PDE6C: variants seen among roughly 807,000 people sequenced by gnomAD.
PDE6C encodes the protein phosphodiesterase 6C, also known as cone cGMP-specific 3',5'-cyclic phosphodiesterase subunit alpha'.
Under a neutral mutation model 113.1 loss-of-function variants are expected in PDE6C, and 75 were observed. That is an observed-to-expected ratio of 0.66 (90% CI 0.55 to 0.80). PDE6C has a LOEUF of 0.80. Among genes scored for constraint, PDE6C ranks in the 30% least tolerant of loss-of-function variants. The pLI, the probability that PDE6C is intolerant of heterozygous loss-of-function variation, is 0.00. For synonymous variants in PDE6C, 375 were observed against 363.7 expected (o/e 1.03, Z -0.35); for missense variants, 912 against 1,038.6 (o/e 0.88, Z 1.67).
intron 10 of PDE6C, among the ~76,000 whole-genome samples, 169 bp downstream of exon 10, chr10:93,635,809 A>G (rs1363557792): frequency 2.0e-5 from 3 of 152,198 alleles, no homozygotes; most frequent in African/African-American, 7.2e-5. Flanking sequence ...CAGTGTACAG[A>G]GACCCTTACT....
Position 93,640,919 on chromosome 10 carries a change from GA to G in PDE6C, c.1738del (p.Thr580GlnfsTer4), listed in dbSNP as rs2058556500. The G allele has an allele frequency of 1.3e-6, 2 of 1,579,036 alleles. No individual in the cohort carries two copies. The highest frequency in any genetic ancestry group is 2.7e-5 in the African/African-American group (2 of 74,240). On this transcript the variant is annotated frameshift_variant and splice_region_variant, in exon 14 of 22. Coordinates refer to ENST00000371447, the MANE Select transcript of PDE6C (RefSeq NM_006204.4). LOFTEE classifies it high-confidence loss of function. ...TATGCATATATATGTTATTTTTTTA[GA>G]CAGGAAGATTAAAGAAGTACTACAC... The part of the protein sequence containing the change: ...VGQTMFTLLM[T>X]GRLKKYYTDL...
intron 1 of PDE6C, among the ~76,000 whole-genome samples, chr10:93,617,269 T>C (rs1360003499): frequency 1.3e-5 from 2 of 152,048 alleles, no homozygotes; most frequent in African/African-American, 4.8e-5. Context: ...CTAGTGAAAA[T>C]AAAACACAAA....
intron 15 of PDE6C, 106 bp from the exon 16 acceptor site, chr10:93,655,654 C>CA (rs1304732962): frequency 3.9e-5 from 13 of 329,374 alleles, no homozygotes; most frequent in Non-Finnish European, 6.5e-5. Context: ...AAAAAACAAA[C>CA]AAAAAAGTGT....
rs1408988078 is a variant in PDE6C, at chr10:93,662,069, T to C, written c.2219T>C (p.Met740Thr). 8.1e-6 allele frequency: 13 copies of C among 1,605,816 alleles called. No individual in the cohort carries two copies. Among genetic ancestry groups the C allele is most frequent in the East Asian group, 2.2e-5 (1 of 44,804 alleles). The part of the protein sequence containing the change: ...PWEVQSQVAL[M>T]VANEFWEQGD... ...CTTTCTCATTTGCAGGTAGCACTTA[T>C]GGTTGCAAATGAATTTTGGGAACAA... The change falls in exon 19 of 22, where the codon ATG becomes ACG. Residue 740 changes from methionine to threonine, a missense_variant. Coordinates refer to ENST00000371447, the MANE Select transcript of PDE6C (RefSeq NM_006204.4).
At chr10:93,638,425 T>A (rs539118547) in intron 11 of PDE6C, among the ~76,000 whole-genome samples, 15 of 152,178 alleles carry the variant, frequency 9.9e-5, no homozygotes, top group Non-Finnish European at 1.8e-4. Flanking sequence ...CCTCTCAGCC[T>A]GGCCCAGAAG....
At position 93,612,989 on chromosome 10, in the gene PDE6C, C is replaced by T; in HGVS notation, c.264C>T (p.Ala88=). The part of the protein sequence containing the change: ...QGVHRALQRL[A]HLLQADRCSM... Reference sequence around the variant, plus strand: ...TTCACAGGGCCCTGCAGAGGCTGGCCCACCTGCTCCAGGCTGACCGCTGCA... The same window carrying T: ...TTCACAGGGCCCTGCAGAGGCTGGCTCACCTGCTCCAGGCTGACCGCTGCA... The change falls in exon 1 of 22, where the codon GCC becomes GCT. Residue 88 remains alanine (A), a synonymous_variant. Transcript: ENST00000371447. 6.2e-7 allele frequency: 1 copy of T among 1,613,980 alleles called. No homozygotes were observed. The highest frequency in any genetic ancestry group is 8.5e-7 in the Non-Finnish European group (1 of 1,179,950).
intron 15 of PDE6C, 29 bp from the exon 16 acceptor site, chr10:93,655,731 G>A (rs1201384545): frequency 2.7e-6 from 3 of 1,104,356 alleles, no homozygotes; most frequent in East Asian, 2.4e-5. Flanking sequence ...ATTATTGATA[G>A]CATTTTATTG....
intron 16 of PDE6C, among the ~76,000 whole-genome samples, chr10:93,657,230 C>T (rs892863108): frequency 6.6e-5 from 10 of 151,618 alleles, no homozygotes; most frequent in African/African-American, 2.4e-4. Flanking sequence ...GGCGCAATCT[C>T]GGCTCACTGT....
intron 11 of PDE6C, among the ~76,000 whole-genome samples, chr10:93,638,449 C>A (rs2058544213): frequency 6.6e-6 from 1 of 152,152 alleles, no homozygotes; most frequent in African/African-American, 2.4e-5. Flanking sequence ...ACCCTTTCTT[C>A]TCCCCACCTG....
rs772639617 is a variant in PDE6C at position 93,641,059 on chromosome 10, G to A, written c.1847+30G>A. The A allele has an allele frequency of 1.8e-5, 23 of 1,279,362 alleles. No individual in the cohort carries two copies. In the Admixed American group the frequency reaches 2.0e-4, roughly 11 times the overall value. 79.3% of individuals were successfully genotyped at this position (1,279,362 alleles called of 1,614,324 possible). The stretch of plus-strand genomic sequence containing the variant: ...GTGAACACATGTCCAATGTTGACAC[G>A]TATTGGTGGACATTGGAAAGTACTT... On this transcript the variant is annotated intron_variant, in intron 14 of 21. Transcript: ENST00000371447.
In PDE6C at chr10:93,658,952, G is replaced by A. The variant is rs149233240; in HGVS notation, c.2088G>A (p.Thr696=). ...TTGATGCCTGTGAACAAATGCAAACGGAAGAAGAAGCCATCAAATATGTAA... is the reference window on the plus strand; with the variant it reads ...TTGATGCCTGTGAACAAATGCAAACAGAAGAAGAAGCCATCAAATATGTAA... ...KIVDACEQMQ[T]EEEAIKYVTV... The change falls in exon 17 of 22, where the codon ACG becomes ACA. Residue 696 remains threonine, a synonymous_variant. Transcript: ENST00000371447. 2.7e-5 allele frequency: 44 copies of A among 1,612,930 alleles called. No individual in the cohort carries two copies. The African/African-American group carries it at 3.1e-4, about 11-fold the overall frequency.
intron 14 of PDE6C, among the ~76,000 whole-genome samples, chr10:93,645,670 C>T (rs915771084): frequency 2.6e-5 from 4 of 152,014 alleles, no homozygotes; most frequent in African/African-American, 9.7e-5. Context: ...AGTCATAGTC[C>T]ACCGCCATAA....
chr10:93,633,095 G>C (rs2058509599), intron 8 of PDE6C, among the ~76,000 whole-genome samples: 1 of 152,160 alleles, frequency 6.6e-6, no homozygotes, highest in Non-Finnish European at 1.5e-5. Context: ...CTTTGCCTTA[G>C]CTACATACTG....
At chr10:93,636,817 G>C (rs1269693785) in intron 10 of PDE6C, among the ~76,000 whole-genome samples, 178 bp from the exon 11 acceptor site, 1 of 152,018 alleles carries the variant, frequency 6.6e-6, no homozygotes. Flanking sequence ...ACCTAGGCTG[G>C]ATTACAGTGG....
At chr10:93,636,382 GTGTGTGTGTGTGT>G (rs2058530735) in intron 10 of PDE6C, among the ~76,000 whole-genome samples, 1 of 148,934 alleles carries the variant, frequency 6.7e-6, no homozygotes, top group African/African-American at 2.5e-5. Context: ...GTGTGTGTGT[GTGTGTGTGTGTGT>G]GTGTGTGTGT....
chr10:93,637,070 GT>G lies in PDE6C; in HGVS notation c.1482+11del. 1 of 1,519,732 alleles carries G rather than the reference GT, an allele frequency of 6.6e-7. No individual in the cohort carries two copies. The highest frequency in any genetic ancestry group is 9.1e-7 in the Non-Finnish European group (1 of 1,094,678). 94.1% of individuals were successfully genotyped at this position (1,519,732 alleles called of 1,614,324 possible). On this transcript the variant is annotated splice_region_variant and intron_variant, in intron 11 of 21. Transcript: ENST00000371447. ...ACAACTTGTTGCAATTTTGGTAAGT[GT>G]TTTCTTTCTAACCTTAATGCCTGTT...
At chr10:93,626,396 C>T (rs958309981) in intron 5 of PDE6C, among the ~76,000 whole-genome samples, 3 of 152,126 alleles carry the variant, frequency 2.0e-5, no homozygotes, top group African/African-American at 7.2e-5. Context: ...TGTTTGGGGG[C>T]AATTCAACTT....
At chr10:93,631,413 G>A (rs2058500924) in intron 8 of PDE6C, among the ~76,000 whole-genome samples, 1 of 152,244 alleles carries the variant, frequency 6.6e-6, no homozygotes, top group Non-Finnish European at 1.5e-5. Context: ...GCTCCTGGAA[G>A]ACAGCCAGAT....
intron 21 of PDE6C, among the ~76,000 whole-genome samples, chr10:93,664,926 TG>T (rs2058683018): frequency 6.6e-6 from 1 of 152,232 alleles, no homozygotes; most frequent in Admixed American, 6.5e-5. Flanking sequence ...TGGAGTGCAA[TG>T]GCATGATCTC....
Sources: gnomAD v4.1 joint callset for allele counts (sites outside exome capture counted in the v4.1 genomes callset) on GRCh38, gnomAD v4.1.1 for gene constraint, MANE v1.5 for transcripts, NCBI Gene and HGNC (gene_info 2026-07-23, HGNC 2026-07-21) for gene names.